FAT3: variants seen among roughly 807,000 people sequenced by gnomAD.
FAT3 encodes protocadherin Fat 3.
Under a neutral mutation model 310.2 loss-of-function variants are expected in FAT3, and 95 were observed. The ratio of observed to expected loss-of-function variants is 0.31; its 90% CI spans 0.26 to 0.36. The LOEUF (loss-of-function observed/expected upper bound fraction) is 0.36. Among genes scored for constraint, FAT3 ranks in the 10% least tolerant of loss-of-function variants. FAT3 has a pLI of 1.00. For synonymous variants in FAT3, 2,314 were observed against 2,192.9 expected (o/e 1.06, Z -1.54); for missense variants, 5,408 against 5,715.6 (o/e 0.95, Z 1.74).
chr11:92,747,376 T>G (rs1191027438), intron 4 of FAT3, among the ~76,000 whole-genome samples: 1 of 152,158 alleles, frequency 6.6e-6, no homozygotes, highest in Non-Finnish European at 1.5e-5. Flanking sequence ...ACTGAAGCGG[T>G]TGGGATGCAG....
chr11:92,435,096 C>T (rs1463602688), intron 2 of FAT3, among the ~76,000 whole-genome samples: 1 of 152,148 alleles, frequency 6.6e-6, no homozygotes, highest in East Asian at 1.9e-4. Context: ...TATCCTCCCC[C>T]TTAATGACCT....
At chr11:92,394,248 C>G (rs148644015) in intron 2 of FAT3, among the ~76,000 whole-genome samples, 1 of 152,104 alleles carries the variant, frequency 6.6e-6, no homozygotes, top group Non-Finnish European at 1.5e-5. Flanking sequence ...GCAGGCAGAT[C>G]GCTTGAGCCC....
rs369793533 is a variant in FAT3, at chr11:92,250,865, C to T, written c.-18+25691C>T. On this transcript the variant is annotated intron_variant, in intron 1 of 27. Transcript: ENST00000525166. ...CAAGAAATGTTCTGGGAATAGCTGTCGTTTCTTAGTGGAGTTTGCAAACAG... is the reference window on the plus strand; with the variant it reads ...CAAGAAATGTTCTGGGAATAGCTGTTGTTTCTTAGTGGAGTTTGCAAACAG... Among the ~76,000 whole-genome samples, 29 of 152,210 alleles carry T rather than the reference C, an allele frequency of 1.9e-4. 2 individuals carry two copies. The highest frequency in any genetic ancestry group is 1.6e-3 in the East Asian group (8 of 5,158).
At chr11:92,662,588 A>G (rs1007589850) in intron 3 of FAT3, among the ~76,000 whole-genome samples, 2 of 152,208 alleles carry the variant, frequency 1.3e-5, no homozygotes, top group African/African-American at 2.4e-5. Context: ...GTACATAAAC[A>G]TCAAAACCTC....
At chr11:92,253,111 G>C (rs1042065640) in intron 1 of FAT3, among the ~76,000 whole-genome samples, 2 of 151,938 alleles carry the variant, frequency 1.3e-5, no homozygotes, top group Admixed American at 1.3e-4. Flanking sequence ...GCACTGTTTT[G>C]CAGGCTCACT....
At chr11:92,763,766 C>A (rs1946224989) in intron 5 of FAT3, among the ~76,000 whole-genome samples, 1 of 152,142 alleles carries the variant, frequency 6.6e-6, no homozygotes, top group Non-Finnish European at 1.5e-5. Flanking sequence ...ACCCTGATCT[C>A]TATTCTCTTT....
intron 4 of FAT3, among the ~76,000 whole-genome samples, chr11:92,702,588 C>A (rs1043249881): frequency 1.3e-5 from 2 of 152,202 alleles, no homozygotes; most frequent in African/African-American, 4.8e-5. Context: ...CTTCCTCCTC[C>A]CCTTGTCCTC....
At chr11:92,655,420 C>T (rs1942542159) in intron 3 of FAT3, among the ~76,000 whole-genome samples, 1 of 152,146 alleles carries the variant, frequency 6.6e-6, no homozygotes, top group African/African-American at 2.4e-5. Context: ...CACTTTGGGA[C>T]CATGGACAAA....
chr11:92,227,577 A>G (rs1863973076), intron 1 of FAT3, among the ~76,000 whole-genome samples: 1 of 151,998 alleles, frequency 6.6e-6, no homozygotes, highest in Non-Finnish European at 1.5e-5. Context: ...TTCTCTTCAC[A>G]TTTACTGAAT....
At chr11:92,881,581 A>T (rs1388463556) in intron 23 of FAT3, among the ~76,000 whole-genome samples, 1 of 152,210 alleles carries the variant, frequency 6.6e-6, no homozygotes, top group East Asian at 1.9e-4. Flanking sequence ...ATACTCTGTG[A>T]TTCTGACTAA....
At chr11:92,658,348 G>A (rs923303601) in intron 3 of FAT3, among the ~76,000 whole-genome samples, 7 of 152,102 alleles carry the variant, frequency 4.6e-5, no homozygotes, top group South Asian at 2.1e-4. Flanking sequence ...TTTACAAGTC[G>A]TCTTCTCAGT....
intron 1 of FAT3, among the ~76,000 whole-genome samples, chr11:92,348,229 GT>G (rs750016948): frequency 6.6e-6 from 1 of 151,874 alleles, no homozygotes; most frequent in Non-Finnish European, 1.5e-5. Flanking sequence ...GTCCTGCTCA[GT>G]TTTTTGGTGG....
intron 3 of FAT3, among the ~76,000 whole-genome samples, chr11:92,610,067 TAA>T (rs1940491178): frequency 6.6e-6 from 1 of 152,150 alleles, no homozygotes; most frequent in Non-Finnish European, 1.5e-5. Flanking sequence ...CAAACTTAAG[TAA>T]GTCGATATTA....
chr11:92,725,551 A>C (rs190371253), intron 4 of FAT3, among the ~76,000 whole-genome samples: 17 of 152,326 alleles, frequency 1.1e-4, no homozygotes, highest in African/African-American at 3.8e-4. Flanking sequence ...AATAGAAGAA[A>C]AAAAAGAAAA....
chr11:92,707,012 C>CTTT (rs1490202028), intron 4 of FAT3, among the ~76,000 whole-genome samples: 3 of 152,204 alleles, frequency 2.0e-5, no homozygotes, highest in African/African-American at 4.8e-5. Context: ...TTTAACTTTG[C>CTTT]TTTTCTGTGC....
intron 4 of FAT3, among the ~76,000 whole-genome samples, chr11:92,714,692 C>T (rs1944621449): frequency 6.6e-6 from 1 of 152,130 alleles, no homozygotes; most frequent in Non-Finnish European, 1.5e-5. Context: ...CTAGCAGTTT[C>T]CACGTATTTT....
chr11:92,840,204 C>G (rs1948502098), intron 17 of FAT3, among the ~76,000 whole-genome samples: 1 of 152,188 alleles, frequency 6.6e-6, no homozygotes, highest in Non-Finnish European at 1.5e-5. Flanking sequence ...CCCAGTGGAG[C>G]TCTTCAGGTC....
At chr11:92,410,520 C>T (rs1950233348) in intron 2 of FAT3, among the ~76,000 whole-genome samples, 1 of 152,090 alleles carries the variant, frequency 6.6e-6, no homozygotes, top group Non-Finnish European at 1.5e-5. Context: ...CTGACAATGT[C>T]TTTGTTGAGT....
At chr11:92,660,846 C>T (rs759226944) in intron 3 of FAT3, among the ~76,000 whole-genome samples, 6 of 152,180 alleles carry the variant, frequency 3.9e-5, no homozygotes, top group African/African-American at 7.2e-5. Flanking sequence ...ATCTTCTCTA[C>T]AATCATAAGC....
Sources: gnomAD v4.1 joint callset for allele counts (sites outside exome capture counted in the v4.1 genomes callset) on GRCh38, gnomAD v4.1.1 for gene constraint, MANE v1.5 for transcripts, NCBI Gene and HGNC (gene_info 2026-07-23, HGNC 2026-07-21) for gene names.